Variants in PATJ observed in about 807,000 individuals in gnomAD.
PATJ encodes the protein PATJ crumbs cell polarity complex component.
PATJ carries 190 observed loss-of-function variants against 224.9 expected under a neutral mutation model. The observed-to-expected ratio is 0.84, with a 90% CI of 0.75 to 0.95. The LOEUF is 0.95. Among genes scored for constraint, PATJ ranks in the 40% least tolerant of loss-of-function variants. The pLI, the probability that PATJ is intolerant of heterozygous loss-of-function variation, is 0.00. For synonymous variants in PATJ, 769 were observed against 820.3 expected (o/e 0.94, Z 1.07); for missense variants, 2,121 against 2,270.3 (o/e 0.93, Z 1.34).
intron 27 of PATJ, among the ~76,000 whole-genome samples, chr1:61,987,281 T>C (rs1012212110): frequency 6.6e-6 from 1 of 152,204 alleles, no homozygotes; most frequent in East Asian, 1.9e-4. Context: ...ATGCAGTCTG[T>C]TTCTGTACTT....
chr1:61,846,092 A>G (rs908471200), intron 17 of PATJ: 2 of 152,202 alleles, frequency 1.3e-5, no homozygotes, highest in Non-Finnish European at 2.9e-5. Flanking sequence ...CTTTTCCATC[A>G]TAATTCTCAT....
chr1:61,997,379 C>T (rs527730006), intron 28 of PATJ, among the ~76,000 whole-genome samples: 2 of 152,312 alleles, frequency 1.3e-5, no homozygotes, highest in African/African-American at 4.8e-5. Flanking sequence ...CAGCCTCACA[C>T]ACTAAGTGCA....
At chr1:62,075,020 A>G (rs539733225) in intron 31 of PATJ, among the ~76,000 whole-genome samples, 87 of 152,310 alleles carry the variant, frequency 5.7e-4, no homozygotes, top group African/African-American at 2.1e-3. Flanking sequence ...AGCACATATC[A>G]AACATCTCTA....
chr1:62,136,693 CTGTG>C lies in PATJ; in HGVS notation c.5271+7759_5271+7762del, dbSNP rs1301172971. On this transcript the variant is annotated intron_variant, in intron 41 of 43. Transcript: ENST00000642238. ...TGTGTGTGTGTGTGTGTGTGTGTGT[CTGTG>C]TGTGTGTGTGGTGTGTTGTTTTTTT... Among the ~76,000 whole-genome samples the C allele has an allele frequency of 1.3e-4, 15 of 113,862 alleles. No individual in the cohort carries two copies. In the South Asian group the frequency reaches 3.4e-3, roughly 25 times the overall value. 74.7% of individuals were successfully genotyped at this position (113,862 alleles called of 152,430 possible).
chr1:61,871,502 C>CGTATATATGT (rs1557793601), intron 20 of PATJ, among the ~76,000 whole-genome samples: 1 of 27,680 alleles, frequency 3.6e-5, no homozygotes, highest in African/African-American at 1.2e-4. Flanking sequence ...TGTATATATA[C>CGTATATATGT]ATATATACGC....
At chr1:61,757,983 AT>A (rs966800089) in intron 1 of PATJ, among the ~76,000 whole-genome samples, 56 of 151,356 alleles carry the variant, frequency 3.7e-4, no homozygotes, top group African/African-American at 1.3e-3. Context: ...ACACACACAC[AT>A]TTTTTTTTCT....
rs770346941 is a variant in PATJ at position 61,908,405 on chromosome 1, A to G, written c.3415A>G (p.Ser1139Gly). Reference protein sequence around the residue: ...SGVDLQNASHSEAVEAIKNAG... With the variant: ...SGVDLQNASHGEAVEAIKNAG... ...AGTAGATTTGCAGAATGCCTCACACAGCGAAGCAGTTGAGGCCATTAAGAA... is the reference window on the plus strand; with the variant it reads ...AGTAGATTTGCAGAATGCCTCACACGGCGAAGCAGTTGAGGCCATTAAGAA... The change falls in exon 25 of 44, where the codon AGC (serine) becomes GGC (glycine). Residue 1139 changes from serine (S) to glycine (G), a missense_variant. Coordinates refer to ENST00000642238, the MANE Select transcript of PATJ (RefSeq NM_001350145.3). The G allele has an allele frequency of 6.2e-7, 1 of 1,613,820 alleles. No homozygotes were observed. The highest frequency in any genetic ancestry group is 8.5e-7 in the Non-Finnish European group (1 of 1,179,726).
chr1:61,946,680 C>T (rs987715030), intron 27 of PATJ, among the ~76,000 whole-genome samples: 24 of 152,158 alleles, frequency 1.6e-4, no homozygotes, highest in African/African-American at 5.8e-4. Flanking sequence ...CTATTCCAAT[C>T]CATAGAAAAA....
chr1:61,756,647 C>T (rs692252), intron 1 of PATJ, among the ~76,000 whole-genome samples: 13,423 of 141,054 alleles, frequency 0.095, 759 homozygotes, highest in Non-Finnish European at 0.12. Flanking sequence ...GGCATGATCT[C>T]GGCTCACTGC....
intron 20 of PATJ, among the ~76,000 whole-genome samples, chr1:61,864,846 G>T (rs374702312): frequency 6.6e-6 from 1 of 152,204 alleles, no homozygotes; most frequent in South Asian, 2.1e-4. Flanking sequence ...ATAAACTGCA[G>T]TTGCCTTGCT....
At chr1:61,783,427 T>TC (rs1456568190) in intron 7 of PATJ, among the ~76,000 whole-genome samples, 91 of 148,498 alleles carry the variant, frequency 6.1e-4, no homozygotes, top group African/African-American at 2.1e-3. Flanking sequence ...TCTTTTCTTT[T>TC]TTTTTTTTTT....
intron 27 of PATJ, among the ~76,000 whole-genome samples, chr1:61,932,293 C>T (rs1278158907): frequency 6.6e-6 from 1 of 152,174 alleles, no homozygotes; most frequent in Non-Finnish European, 1.5e-5. Context: ...AGAGACTACA[C>T]TCTGAAAACC....
chr1:62,010,093 AAAAG>A (rs1229201510), intron 28 of PATJ, among the ~76,000 whole-genome samples: 110 of 147,854 alleles, frequency 7.4e-4, no homozygotes, highest in Admixed American at 1.3e-3. Context: ...AAAAAAAAAA[AAAAG>A]AAAGAAAGAA....
At chr1:62,125,043 T>C (rs1427063951) in intron 39 of PATJ, among the ~76,000 whole-genome samples, 1 of 151,644 alleles carries the variant, frequency 6.6e-6, no homozygotes, top group Non-Finnish European at 1.5e-5. Context: ...CTGGGCAACA[T>C]GGGGAAACTC....
At chr1:61,959,537 C>T (rs981278648) in intron 27 of PATJ, among the ~76,000 whole-genome samples, 2 of 149,650 alleles carry the variant, frequency 1.3e-5, no homozygotes, top group African/African-American at 2.5e-5. Flanking sequence ...CAGGCTCAAG[C>T]GATCCTCCCA....
At chr1:61,922,338 C>G (rs1199641938) in intron 26 of PATJ, among the ~76,000 whole-genome samples, 2 of 152,172 alleles carry the variant, frequency 1.3e-5, no homozygotes, top group Admixed American at 6.5e-5. Flanking sequence ...GCCACCATGC[C>G]TGGCCAGTAA....
At chr1:62,130,200 G>A (rs1378628318) in intron 41 of PATJ, among the ~76,000 whole-genome samples, 1 of 152,174 alleles carries the variant, frequency 6.6e-6, no homozygotes, top group African/African-American at 2.4e-5. Flanking sequence ...CCGGCATGGT[G>A]GTGTGTGCCT....
chr1:61,777,266 C>T (rs7528744), intron 7 of PATJ, among the ~76,000 whole-genome samples: 131,679 of 152,144 alleles, frequency 0.87, 57,750 homozygotes, highest in East Asian at 1. Context: ...TTCCCTAATA[C>T]TTAAAAGCTT....
intron 22 of PATJ, among the ~76,000 whole-genome samples, chr1:61,888,175 G>T (rs1030595525): frequency 6.6e-6 from 1 of 152,208 alleles, no homozygotes; most frequent in Admixed American, 6.5e-5. Flanking sequence ...CTGGGGAAAC[G>T]CACAGTGATA....
Sources: gnomAD v4.1 joint callset for allele counts (sites outside exome capture counted in the v4.1 genomes callset) on GRCh38, gnomAD v4.1.1 for gene constraint, MANE v1.5 for transcripts, NCBI Gene and HGNC (gene_info 2026-07-23, HGNC 2026-07-21) for gene names.